SEMA3A: variants seen among roughly 807,000 people sequenced by gnomAD.
SEMA3A encodes semaphorin 3A.
In SEMA3A, 29 loss-of-function variants were observed where a neutral mutation model predicts 97.9. The ratio of observed to expected loss-of-function variants is 0.30; its 90% CI spans 0.22 to 0.40. The LOEUF (loss-of-function observed/expected upper bound fraction) is 0.40, where lower values mean the gene tolerates loss of function less well. SEMA3A is among the 10% of genes least tolerant of loss of function. SEMA3A has a pLI of 1.00. For missense variants in SEMA3A, 763 were observed against 951.3 expected (o/e 0.80, Z 2.60); for synonymous variants, 321 against 323.7 (o/e 0.99, Z 0.09).
chr7:84,168,028 G>T (rs951062256), intron 1 of SEMA3A, among the ~76,000 whole-genome samples: 1 of 152,018 alleles, frequency 6.6e-6, no homozygotes, highest in African/African-American at 2.4e-5. Context: ...CATTCCTGTA[G>T]ATTATAAAAC....
intron 3 of SEMA3A, among the ~76,000 whole-genome samples, chr7:84,255,318 T>G (rs919591881): frequency 1.3e-5 from 2 of 152,160 alleles, no homozygotes; most frequent in African/African-American, 4.8e-5. Context: ...TACTTCCATT[T>G]TATATCTCTC....
At chr7:84,305,619 A>G (rs1351017261) in intron 3 of SEMA3A, among the ~76,000 whole-genome samples, 3 of 152,164 alleles carry the variant, frequency 2.0e-5, no homozygotes, top group South Asian at 2.1e-4. Context: ...ACATTAAAAG[A>G]CAATGGTGGC....
chr7:84,046,483 A>G, intron 5 of SEMA3A, 40 bp from the exon 6 acceptor site: 1 of 1,609,020 alleles, frequency 6.2e-7, no homozygotes, highest in East Asian at 2.2e-5. Context: ...CTTTAATTCA[A>G]TTAAGGCAAA....
At chr7:84,242,632 C>G (rs1015837124) in intron 3 of SEMA3A, among the ~76,000 whole-genome samples, 1 of 152,100 alleles carries the variant, frequency 6.6e-6, no homozygotes, top group African/African-American at 2.4e-5. Context: ...ATGTTTCCTT[C>G]GCTTGCCTGA....
At chr7:84,372,367 C>A (rs549665612) in intron 1 of SEMA3A, 2 of 152,136 alleles carry the variant, frequency 1.3e-5, no homozygotes, top group African/African-American at 4.8e-5. Context: ...ACAGAGCAAC[C>A]AAGCTATTTT....
intron 1 of SEMA3A, among the ~76,000 whole-genome samples, chr7:84,466,308 G>T (rs1430874705): frequency 6.6e-6 from 1 of 151,908 alleles, no homozygotes; most frequent in Non-Finnish European, 1.5e-5. Flanking sequence ...GAGTAGCTGG[G>T]ATTACAGGCG....
At chr7:84,151,329 T>C (rs1391977472) in intron 1 of SEMA3A, among the ~76,000 whole-genome samples, 1 of 150,968 alleles carries the variant, frequency 6.6e-6, no homozygotes, top group Non-Finnish European at 1.5e-5. Flanking sequence ...GGCAAAGAAA[T>C]TGAAAACTTT....
intron 1 of SEMA3A, among the ~76,000 whole-genome samples, chr7:84,445,533 A>G (rs2116351434): frequency 6.7e-6 from 1 of 149,438 alleles, no homozygotes; most frequent in South Asian, 2.1e-4. Flanking sequence ...AAAGAAAAGA[A>G]AAGAAGAGAA....
At chr7:84,406,515 C>A (rs571031778) in intron 1 of SEMA3A, among the ~76,000 whole-genome samples, 1 of 151,940 alleles carries the variant, frequency 6.6e-6, no homozygotes, top group African/African-American at 2.4e-5. Context: ...TTCCAATCAA[C>A]AGAAAAAGAG....
At chr7:84,353,074 G>A (rs894448821) in intron 2 of SEMA3A, among the ~76,000 whole-genome samples, 1 of 151,668 alleles carries the variant, frequency 6.6e-6, no homozygotes, top group Non-Finnish European at 1.5e-5. Flanking sequence ...TACAACTTAC[G>A]CACATTCTCC....
chr7:84,479,790 A>C (rs1304955205), intron 1 of SEMA3A, among the ~76,000 whole-genome samples: 1 of 152,204 alleles, frequency 6.6e-6, no homozygotes, highest in African/African-American at 2.4e-5. Flanking sequence ...TGACTTCAAC[A>C]ATTTAACAAC....
chr7:84,215,047 A>AT (rs1186421739), intron 3 of SEMA3A, among the ~76,000 whole-genome samples: 1 of 151,502 alleles, frequency 6.6e-6, no homozygotes, highest in African/African-American at 2.4e-5. Context: ...AATTTTTTGT[A>AT]TTTTTAGTAG....
chr7:84,157,581 C>T (rs549129336), intron 1 of SEMA3A, among the ~76,000 whole-genome samples: 4 of 152,260 alleles, frequency 2.6e-5, no homozygotes, highest in East Asian at 3.9e-4. Context: ...CTGGAGCATA[C>T]GGCTAGTTCA....
At position 83,956,119 on chromosome 7, in the gene SEMA3A, G is replaced by A. The variant is rs191708328; in HGVS notation, c.*5252C>T. The A allele has an allele frequency of 6.6e-4, 101 of 152,268 alleles. No individual in the cohort carries two copies. The highest frequency in any genetic ancestry group is 5.5e-3 in the Admixed American group (84 of 15,276). The allele number at this position is 152,268 out of a possible 1,614,324, so 9.4% of individuals were successfully genotyped here. On this transcript the variant is annotated 3_prime_UTR_variant, in exon 17 of 17. Coordinates refer to ENST00000265362, the MANE Select transcript of SEMA3A (RefSeq NM_006080.3). ...ATAGGAGTCTGCCTATCAACTACAT[G>A]TGCTGACCACACCTGCAGCATTGCT... is the stretch of plus-strand genomic sequence containing the variant.
intron 3 of SEMA3A, among the ~76,000 whole-genome samples, chr7:84,299,264 ATATATATATCTCCATATATATATC>A: frequency 2.9e-5 from 4 of 137,422 alleles, no homozygotes; most frequent in South Asian, 2.3e-4. Flanking sequence ...ATATATCTCC[ATATATATATCTCCATATATATATC>A]TATCTCCATA....
At chr7:84,031,389 G>T (rs940884524) in intron 6 of SEMA3A, among the ~76,000 whole-genome samples, 5 of 151,988 alleles carry the variant, frequency 3.3e-5, no homozygotes, top group Admixed American at 6.6e-5. Flanking sequence ...GCTTCTTAAA[G>T]GTTTCATATA....
chr7:84,490,291 T>C (rs1348308500), intron 1 of SEMA3A, among the ~76,000 whole-genome samples: 1 of 151,972 alleles, frequency 6.6e-6, no homozygotes, highest in Non-Finnish European at 1.5e-5. Context: ...TTAAAATTAC[T>C]GTATTCATCC....
chr7:84,086,560 ATTATATTATATTTACATATAATATATTAT>A, intron 4 of SEMA3A, among the ~76,000 whole-genome samples: 1 of 54,348 alleles, frequency 1.8e-5, no homozygotes, highest in Non-Finnish European at 6.3e-5. Context: ...ATAATATATT[ATTATATTATATTTACATATAATATATTAT>A]TATATTATAT....
intron 2 of SEMA3A, among the ~76,000 whole-genome samples, chr7:84,308,717 G>A (rs1228339423): frequency 6.6e-6 from 1 of 152,076 alleles, no homozygotes; most frequent in Non-Finnish European, 1.5e-5. Flanking sequence ...ATTTTAGGGA[G>A]GAGAAATGGT....
Sources: gnomAD v4.1 joint callset for allele counts (sites outside exome capture counted in the v4.1 genomes callset) on GRCh38, gnomAD v4.1.1 for gene constraint, MANE v1.5 for transcripts, NCBI Gene and HGNC (gene_info 2026-07-23, HGNC 2026-07-21) for gene names.